GLI3: variants seen among roughly 807,000 people sequenced by gnomAD.
GLI3 encodes GLI family zinc finger 3, also known as transcription activator GLI3.
In GLI3, 20 loss-of-function variants were observed where a neutral mutation model predicts 100.8. That is an observed-to-expected ratio of 0.20 (90% CI 0.14 to 0.29). GLI3 has a LOEUF of 0.29. GLI3 is among the 10% of genes least tolerant of loss of function. The pLI, the probability that GLI3 is intolerant of heterozygous loss-of-function variation, is 1.00. For missense variants in GLI3, 2,040 were observed against 2,128.5 expected (o/e 0.96, Z 0.82); for synonymous variants, 938 against 860.5 (o/e 1.09, Z -1.58).
At chr7:42,058,218 T>C (rs1345398891) in intron 4 of GLI3, among the ~76,000 whole-genome samples, 2 of 152,190 alleles carry the variant, frequency 1.3e-5, no homozygotes, top group Admixed American at 6.5e-5. Flanking sequence ...AACTTCAGTG[T>C]TAGGATAGTC....
chr7:42,193,249 C>A (rs1205346345), intron 2 of GLI3, among the ~76,000 whole-genome samples: 1 of 152,154 alleles, frequency 6.6e-6, no homozygotes, highest in Admixed American at 6.5e-5. Context: ...ACATTACAGA[C>A]CCTCTTGCCT....
intron 6 of GLI3, among the ~76,000 whole-genome samples, chr7:42,041,735 C>T (rs1784142133): frequency 6.6e-6 from 1 of 152,018 alleles, no homozygotes; most frequent in Non-Finnish European, 1.5e-5. Context: ...AGATAACAAT[C>T]CAACATGCTT....
intron 4 of GLI3, among the ~76,000 whole-genome samples, chr7:42,056,922 T>C (rs1852542): frequency 0.84 from 127,311 of 150,918 alleles, 53,876 homozygotes; most frequent in East Asian, 0.93. Context: ...GCGGAGGTTG[T>C]GGTGAGCTGA....
chr7:42,049,276 C>G (rs368881064), intron 4 of GLI3, among the ~76,000 whole-genome samples: 17 of 152,180 alleles, frequency 1.1e-4, no homozygotes, highest in Admixed American at 7.9e-4. Flanking sequence ...AATGGGAAAT[C>G]GGTCACTCTA....
intron 10 of GLI3, among the ~76,000 whole-genome samples, chr7:41,992,538 A>G (rs1788016849): frequency 6.6e-6 from 1 of 152,176 alleles, no homozygotes; most frequent in Admixed American, 6.5e-5. Context: ...TAAACTAAAA[A>G]ACACCTACAC....
intron 2 of GLI3, among the ~76,000 whole-genome samples, chr7:42,161,212 T>C (rs1787123448): frequency 6.6e-6 from 1 of 152,156 alleles, no homozygotes; most frequent in African/African-American, 2.4e-5. Flanking sequence ...TTTTAATGGA[T>C]GAAAAATAAC....
At chr7:42,256,476 G>T (rs2128711194) in intron 1 of GLI3, among the ~76,000 whole-genome samples, 1 of 152,172 alleles carries the variant, frequency 6.6e-6, no homozygotes, top group South Asian at 2.1e-4. Flanking sequence ...TGAGATGAGG[G>T]TCTGAGTTTA....
chr7:42,064,162 T>C (rs190287578), intron 4 of GLI3, among the ~76,000 whole-genome samples: 254 of 152,126 alleles, frequency 1.7e-3, no homozygotes, highest in Non-Finnish European at 3.2e-3. Context: ...GAGCTTCACA[T>C]AAGGAAAGTG....
chr7:42,056,060 A>G (rs528208328), intron 4 of GLI3, among the ~76,000 whole-genome samples: 155 of 152,248 alleles, frequency 1.0e-3, no homozygotes, highest in South Asian at 7.1e-3. Context: ...GTCTGCCACC[A>G]TGTGAGAAGT....
chr7:42,064,100 A>G (rs887350961), intron 4 of GLI3, among the ~76,000 whole-genome samples: 22 of 152,190 alleles, frequency 1.4e-4, no homozygotes, highest in African/African-American at 5.1e-4. Flanking sequence ...CTTGCAGAGT[A>G]TAAAGAGTAA....
intron 1 of GLI3, among the ~76,000 whole-genome samples, chr7:42,229,075 C>A (rs1332717032): frequency 6.6e-6 from 1 of 152,114 alleles, no homozygotes; most frequent in African/African-American, 2.4e-5. Context: ...ATGCCAAAGC[C>A]AACGTTTAAA....
intron 2 of GLI3, among the ~76,000 whole-genome samples, chr7:42,214,516 G>GA (rs1255330094): frequency 8.6e-6 from 1 of 116,540 alleles, no homozygotes; most frequent in African/African-American, 3.3e-5. Context: ...CGAAGAAAGG[G>GA]AAAAAAGAGC....
intron 10 of GLI3, among the ~76,000 whole-genome samples, chr7:42,003,043 T>A (rs1260727449): frequency 6.6e-6 from 1 of 152,230 alleles, no homozygotes; most frequent in Non-Finnish European, 1.5e-5. Flanking sequence ...ACAGGCATCT[T>A]TGACTGTTTC....
chr7:42,144,472 C>G (rs764572049), intron 3 of GLI3, among the ~76,000 whole-genome samples: 21 of 152,246 alleles, frequency 1.4e-4, no homozygotes, highest in Middle Eastern at 6.8e-3. Flanking sequence ...CGTATCCCCC[C>G]GGGAGATTTT....
In GLI3 at chr7:42,023,470, G is replaced by T; in HGVS notation, c.1495C>A (p.His499Asn). Residue 499 changes from histidine (H) to asparagine (N), a missense_variant and splice_region_variant, in exon 10 of 15, where the codon CAC (histidine) becomes AAC (asparagine). Transcript: ENST00000395925. ...GTTCCTGAATACCATCCACTTACGT[G>T]CACAAGCTGCTCTTGGGTGTCGAAC... is the stretch of plus-strand genomic sequence containing the variant. ...REFDTQEQLV[H>N]HINNDHIHGE... The T allele has an allele frequency of 6.2e-7, 1 of 1,614,134 alleles. No homozygotes were observed. The highest frequency in any genetic ancestry group is 8.5e-7 in the Non-Finnish European group (1 of 1,179,976).
At chr7:42,119,288 C>T (rs1785936086) in intron 3 of GLI3, among the ~76,000 whole-genome samples, 2 of 152,192 alleles carry the variant, frequency 1.3e-5, no homozygotes, top group South Asian at 2.1e-4. Context: ...TGTTTTTCCT[C>T]GACCGGTTTT....
chr7:42,129,796 C>T (rs1471896448), intron 3 of GLI3, among the ~76,000 whole-genome samples: 1 of 151,808 alleles, frequency 6.6e-6, no homozygotes, highest in Non-Finnish European at 1.5e-5. Flanking sequence ...GGCGACAGAC[C>T]GAGACTCCAT....
chr7:42,052,312 T>C (rs1176991637), intron 4 of GLI3, among the ~76,000 whole-genome samples: 3 of 152,160 alleles, frequency 2.0e-5, no homozygotes, highest in South Asian at 4.1e-4. Flanking sequence ...CCCCTTTCCA[T>C]AGCAAATCTG....
At position 41,962,635 on chromosome 7, in the gene GLI3, A is replaced by G. The variant is rs1787039559; in HGVS notation, c.*1695T>C. 6.6e-6 allele frequency: 1 copy of G among 152,232 alleles called. No individual in the cohort carries two copies. Among genetic ancestry groups the G allele is most frequent in the African/African-American group, 2.4e-5 (1 of 41,468 alleles). 9.4% of individuals were successfully genotyped at this position (152,232 alleles called of 1,614,324 possible). A position where few individuals can be genotyped will look rare whatever the true frequency, so the allele number is the denominator to read the frequency against. On this transcript the variant is annotated 3_prime_UTR_variant, in exon 15 of 15. Transcript: ENST00000395925. ...AGTCCCCAGTGGCAAATCAACCTCC[A>G]TGCGGAGATTCTTGGTCCAAATGAA...
Sources: gnomAD v4.1 joint callset for allele counts (sites outside exome capture counted in the v4.1 genomes callset) on GRCh38, gnomAD v4.1.1 for gene constraint, MANE v1.5 for transcripts, NCBI Gene and HGNC (gene_info 2026-07-23, HGNC 2026-07-21) for gene names.